Variants in ATAD5 observed in about 807,000 individuals in gnomAD.
The protein encoded by ATAD5 is ATPase family AAA domain containing 5.
A neutral mutation model predicts 176.9 loss-of-function variants in ATAD5; 58 were observed. The observed-to-expected ratio is 0.33, with a 90% CI of 0.27 to 0.41. The LOEUF (loss-of-function observed/expected upper bound fraction) is 0.41. Among genes scored for constraint, ATAD5 ranks in the 10% least tolerant of loss-of-function variants. ATAD5 has a pLI of 1.00. For synonymous variants in ATAD5, 640 were observed against 712.6 expected (o/e 0.90, Z 1.62); for missense variants, 1,789 against 2,094.1 (o/e 0.85, Z 2.84).
chr17:30,878,857 G>C (rs1296350692), intron 17 of ATAD5, among the ~76,000 whole-genome samples: 1 of 150,056 alleles, frequency 6.7e-6, no homozygotes, highest in Non-Finnish European at 1.5e-5. Flanking sequence ...TCAGCCTCCT[G>C]AGTAGCTGGG....
chr17:30,889,705 T>G (rs1224900034), intron 19 of ATAD5, among the ~76,000 whole-genome samples: 1 of 151,976 alleles, frequency 6.6e-6, no homozygotes, highest in Non-Finnish European at 1.5e-5. Context: ...CTGAAGAAGT[T>G]TTAGTTTGGT....
intron 4 of ATAD5, among the ~76,000 whole-genome samples, chr17:30,842,444 A>G (rs563095781): frequency 3.3e-4 from 50 of 152,254 alleles, no homozygotes; most frequent in African/African-American, 9.9e-4. Flanking sequence ...TAGTTAAACT[A>G]TCTGCTCATG....
chr17:30,874,120 G>A (rs1369951871), intron 14 of ATAD5, among the ~76,000 whole-genome samples: 2 of 152,102 alleles, frequency 1.3e-5, no homozygotes, highest in Non-Finnish European at 2.9e-5. Context: ...AGCTGAGATT[G>A]TGCCACTGCA....
intron 4 of ATAD5, among the ~76,000 whole-genome samples, chr17:30,843,702 G>A (rs575047071): frequency 1.3e-5 from 2 of 151,338 alleles, no homozygotes; most frequent in South Asian, 2.1e-4. Context: ...CATAATAAAC[G>A]TACCCTGATA....
intron 19 of ATAD5, among the ~76,000 whole-genome samples, chr17:30,889,083 A>C (rs530108916): frequency 4.3e-4 from 65 of 151,266 alleles, no homozygotes; most frequent in African/African-American, 1.4e-3. Context: ...AAAATTAAAA[A>C]ACACACACAC....
At chr17:30,885,796 G>A (rs2142441857) in intron 18 of ATAD5, among the ~76,000 whole-genome samples, 1 of 151,792 alleles carries the variant, frequency 6.6e-6, no homozygotes, top group Middle Eastern at 3.4e-3. Flanking sequence ...ACCATGCCTG[G>A]CTAATTTTTT....
intron 18 of ATAD5, among the ~76,000 whole-genome samples, chr17:30,885,219 C>G (rs1428666987): frequency 2.0e-5 from 3 of 152,070 alleles, no homozygotes; most frequent in African/African-American, 7.2e-5. Context: ...GTCTCTCTGT[C>G]ACCTAGGTTG....
chr17:30,876,636 G>A, intron 15 of ATAD5, 86 bp downstream of exon 15: 1 of 656,604 alleles, frequency 1.5e-6, no homozygotes, highest in Non-Finnish European at 2.2e-6. Context: ...ACGAGTTCCT[G>A]TTGCTATTTA....
chr17:30,888,301 C>A (rs1256288036), intron 19 of ATAD5, among the ~76,000 whole-genome samples: 1 of 152,074 alleles, frequency 6.6e-6, no homozygotes, highest in East Asian at 1.9e-4. Flanking sequence ...ACTGTAATCT[C>A]AGCACTTTGG....
intron 3 of ATAD5, among the ~76,000 whole-genome samples, chr17:30,838,298 G>A (rs1597951705): frequency 6.6e-6 from 1 of 152,198 alleles, no homozygotes; most frequent in Admixed American, 6.5e-5. Context: ...CCACCAAGGT[G>A]ACTCTGAATT....
At chr17:30,866,257 G>A (rs1055565011) in intron 11 of ATAD5, among the ~76,000 whole-genome samples, 10 of 134,226 alleles carry the variant, frequency 7.5e-5, no homozygotes, top group African/African-American at 2.6e-4. Context: ...GAGTGTAATG[G>A]CACGATCTTG....
chr17:30,853,283 T>G (rs2142353969), intron 6 of ATAD5, among the ~76,000 whole-genome samples: 1 of 152,190 alleles, frequency 6.6e-6, no homozygotes, highest in African/African-American at 2.4e-5. Flanking sequence ...TTAAAACTAT[T>G]TATATGTGTG....
At chr17:30,851,521 G>A (rs1488219829) in intron 6 of ATAD5, among the ~76,000 whole-genome samples, 2 of 151,712 alleles carry the variant, frequency 1.3e-5, no homozygotes, top group South Asian at 4.2e-4. Context: ...AAATCCTAAG[G>A]GTAGGCCAGG....
At chr17:30,868,505 TTTAA>T (rs1388756194) in intron 12 of ATAD5, 93 bp downstream of exon 12, 1 of 815,992 alleles carries the variant, frequency 1.2e-6, no homozygotes, top group Non-Finnish European at 1.6e-6. Flanking sequence ...TTCTTTTTTT[TTTAA>T]TTTTTTTTTT....
intron 17 of ATAD5, among the ~76,000 whole-genome samples, chr17:30,878,501 T>C (rs1315577192): frequency 6.6e-6 from 1 of 152,088 alleles, no homozygotes; most frequent in African/African-American, 2.4e-5. Context: ...CCTAATAGAA[T>C]TGATCCATCT....
chr17:30,879,761 A>G (rs1489511386), intron 18 of ATAD5, among the ~76,000 whole-genome samples: 1 of 151,776 alleles, frequency 6.6e-6, no homozygotes, highest in Non-Finnish European at 1.5e-5. Context: ...ACGGAGTTTC[A>G]CCATTTTAGC....
chr17:30,865,334 G>A (rs971718894), intron 10 of ATAD5, among the ~76,000 whole-genome samples: 5 of 151,908 alleles, frequency 3.3e-5, no homozygotes, highest in East Asian at 3.9e-4. Flanking sequence ...CACCACGCCC[G>A]GCTAATTTTT....
In ATAD5 at chr17:30,894,927, C is replaced by A; in HGVS notation, c.*14C>A. The A allele has an allele frequency of 1.9e-6, 3 of 1,547,626 alleles. No individual in the cohort carries two copies. Among genetic ancestry groups the A allele is most frequent in the Non-Finnish European group, 2.6e-6 (3 of 1,138,218 alleles). On this transcript the variant is annotated 3_prime_UTR_variant, in exon 23 of 23. Transcript: ENST00000321990. ...GACTTCCCTTAATGTTCCATACTAA[C>A]AATGCTTTGTATAGATTATCATGTG...
In ATAD5 at chr17:30,869,518, C is replaced by A; in HGVS notation, c.3479C>A (p.Ser1160Tyr). The A allele has an allele frequency of 6.2e-7, 1 of 1,613,214 alleles. No homozygotes were observed. The highest frequency in any genetic ancestry group is 8.5e-7 in the Non-Finnish European group (1 of 1,179,848). Residue 1160 changes from serine to tyrosine, a missense_variant, in exon 14 of 23, where the codon TCC (serine) becomes TAC (tyrosine). Ser to Tyr is a moderately radical substitution (Grantham distance 144, BLOSUM62 -2). This residue lies in a region of ATAD5 where 194 missense variants were observed against 270.1 expected (regional missense o/e 0.72). Coordinates refer to ENST00000321990, the MANE Select transcript of ATAD5 (RefSeq NM_024857.5). ...TAGATATTTGAAGTGAATGCCTCTT[C>A]CCAGCGCAGTGGTAGACAAATTCTA... Reference protein sequence around the residue: ...GFKIFEVNASSQRSGRQILSQ... With the variant: ...GFKIFEVNASYQRSGRQILSQ...
Sources: allele counts gnomAD v4.1 joint callset (sites outside exome capture counted in the v4.1 genomes callset), GRCh38; gene constraint gnomAD v4.1.1; regional missense constraint gnomAD v4.1.1; transcripts MANE v1.5; gene names NCBI Gene and HGNC (gene_info 2026-07-23, HGNC 2026-07-21).